CNTN1: variants seen among roughly 807,000 people sequenced by gnomAD.
CNTN1 encodes the protein contactin-1.
In CNTN1, 38 loss-of-function variants were observed where a neutral mutation model predicts 126.4. The observed-to-expected ratio is 0.30, with a 90% CI of 0.23 to 0.39. CNTN1 has a LOEUF of 0.39. Among genes scored for constraint, CNTN1 ranks in the 10% least tolerant of loss-of-function variants. The pLI, the probability that CNTN1 is intolerant of heterozygous loss-of-function variation, is 1.00. For missense variants in CNTN1, 1,009 were observed against 1,248.4 expected (o/e 0.81, Z 2.89); for synonymous variants, 413 against 422.6 (o/e 0.98, Z 0.28).
chr12:40,875,933 T>C (rs1943652838), intron 1 of CNTN1, among the ~76,000 whole-genome samples: 1 of 152,126 alleles, frequency 6.6e-6, no homozygotes, highest in Non-Finnish European at 1.5e-5. Flanking sequence ...GTCTTTTAAG[T>C]AAATTGTGTT....
intron 1 of CNTN1, among the ~76,000 whole-genome samples, chr12:40,821,064 A>G (rs954995356): frequency 6.6e-6 from 1 of 152,210 alleles, no homozygotes; most frequent in African/African-American, 2.4e-5. Context: ...CAGAAGCTCA[A>G]AAGTTCTAAA....
At chr12:40,796,328 T>C (rs1417262957) in intron 1 of CNTN1, among the ~76,000 whole-genome samples, 1 of 152,036 alleles carries the variant, frequency 6.6e-6, no homozygotes, top group East Asian at 1.9e-4. Context: ...TTAATAGATT[T>C]GCTTCAGACC....
At chr12:40,759,395 T>C (rs1417872752) in intron 1 of CNTN1, among the ~76,000 whole-genome samples, 2 of 152,130 alleles carry the variant, frequency 1.3e-5, no homozygotes, top group East Asian at 1.9e-4. Context: ...ATTTTGTCTT[T>C]TTCTTTTTCC....
chr12:40,746,169 T>C (rs1938172276), intron 1 of CNTN1, among the ~76,000 whole-genome samples: 1 of 152,172 alleles, frequency 6.6e-6, no homozygotes, highest in South Asian at 2.1e-4. Context: ...TGGCATCAAA[T>C]GCTCCTTTTT....
chr12:40,744,411 G>T (rs191078135), intron 1 of CNTN1, among the ~76,000 whole-genome samples: 2 of 152,060 alleles, frequency 1.3e-5, no homozygotes, highest in Non-Finnish European at 2.9e-5. Context: ...GGAATAGCCT[G>T]CATTTGGGAA....
Position 41,053,428 on chromosome 12 carries a change from AATATATATATATAT to A in CNTN1, c.2981-16504_2981-16491del, listed in dbSNP as rs66808071. ...TTTTGTCTCTTTCATGTTTTCACTA[AATATATATATATAT>A]ATATATATATATATATATATATATA... On this transcript the variant is annotated intron_variant, in intron 23 of 23. Transcript: ENST00000551295. Among the ~76,000 whole-genome samples, 359 of 64,110 alleles carry A rather than the reference AATATATATATATAT, an allele frequency of 5.6e-3. 15 individuals are homozygous for A. Among genetic ancestry groups the A allele is most frequent in the Admixed American group, 0.045 (239 of 5,318 alleles). 42.1% of individuals were successfully genotyped at this position (64,110 alleles called of 152,430 possible). A position where few individuals can be genotyped will look rare whatever the true frequency, so the allele number is the denominator to read the frequency against.
At chr12:41,003,350 A>T (rs912411980) in intron 17 of CNTN1, among the ~76,000 whole-genome samples, 1 of 150,756 alleles carries the variant, frequency 6.6e-6, no homozygotes, top group Non-Finnish European at 1.5e-5. Flanking sequence ...TTTGCCAGTT[A>T]TTTTTTTTTG....
At chr12:40,952,715 T>A (rs547323146) in intron 14 of CNTN1, among the ~76,000 whole-genome samples, 2 of 152,248 alleles carry the variant, frequency 1.3e-5, no homozygotes, top group South Asian at 2.1e-4. Flanking sequence ...TAATTAAATA[T>A]CTGCTGTTAG....
intron 11 of CNTN1, among the ~76,000 whole-genome samples, chr12:40,938,257 T>C (rs888534401): frequency 6.6e-6 from 1 of 152,206 alleles, no homozygotes; most frequent in African/African-American, 2.4e-5. Context: ...TTTAAGCCTC[T>C]GTATTCTGTT....
chr12:40,928,194 C>T (rs1945760502), intron 6 of CNTN1, among the ~76,000 whole-genome samples: 1 of 151,874 alleles, frequency 6.6e-6, no homozygotes, highest in Admixed American at 6.6e-5. Context: ...TAATTTTTAA[C>T]AGAAATCCTT....
intron 1 of CNTN1, among the ~76,000 whole-genome samples, chr12:40,707,087 CA>C (rs1941776394): frequency 7.9e-6 from 1 of 125,820 alleles, no homozygotes; most frequent in African/African-American, 3.0e-5. Context: ...CACACACACA[CA>C]CCCCTGCTCA....
intron 15 of CNTN1, among the ~76,000 whole-genome samples, chr12:40,967,452 C>T (rs1004723140): frequency 6.6e-6 from 1 of 152,056 alleles, no homozygotes; most frequent in Non-Finnish European, 1.5e-5. Flanking sequence ...TGCACTCTAG[C>T]CTGGGCGACA....
At position 40,981,312 on chromosome 12, in the gene CNTN1, A is replaced by C. The variant is rs1386136745; in HGVS notation, c.1963+245A>C. ...AAATCAATATATAATGGAAAGCAAAATGAGGCCTCCTGGGTTTCTTACTTG... is the reference window on the plus strand; with the variant it reads ...AAATCAATATATAATGGAAAGCAAACTGAGGCCTCCTGGGTTTCTTACTTG... On this transcript the variant is annotated intron_variant, in intron 16 of 23. Coordinates refer to ENST00000551295, the MANE Select transcript of CNTN1 (RefSeq NM_001843.4). 2.0e-5 allele frequency among the ~76,000 whole-genome samples: 3 copies of C among 152,274 alleles called. No homozygotes were observed. The East Asian group carries it at 5.8e-4, about 29-fold the overall frequency.
At chr12:40,865,331 C>G (rs999414111) in intron 1 of CNTN1, among the ~76,000 whole-genome samples, 3 of 151,942 alleles carry the variant, frequency 2.0e-5, no homozygotes, top group African/African-American at 7.2e-5. Context: ...TACTTTGATG[C>G]CCAAAAGTTT....
At chr12:40,800,214 C>G (rs1940593912) in intron 1 of CNTN1, among the ~76,000 whole-genome samples, 1 of 151,920 alleles carries the variant, frequency 6.6e-6, no homozygotes, top group African/African-American at 2.4e-5. Context: ...AAGTGTCTGG[C>G]ATTTCCTCTG....
At chr12:40,693,038 C>T (rs1941342629) in intron 1 of CNTN1, among the ~76,000 whole-genome samples, 1 of 152,222 alleles carries the variant, frequency 6.6e-6, no homozygotes, top group Admixed American at 6.5e-5. Context: ...CCCACCTGGG[C>T]GCCTGGCTAG....
intron 17 of CNTN1, among the ~76,000 whole-genome samples, chr12:41,013,436 G>A (rs1356711782): frequency 3.3e-5 from 5 of 152,044 alleles, no homozygotes; most frequent in Non-Finnish European, 7.4e-5. Context: ...GCCTTACCAA[G>A]GACTCCCATA....
At chr12:41,012,604 C>A (rs1181379646) in intron 17 of CNTN1, among the ~76,000 whole-genome samples, 7 of 152,156 alleles carry the variant, frequency 4.6e-5, no homozygotes, top group Non-Finnish European at 1.0e-4. Context: ...GCTGAGTACT[C>A]CATGAAAGGA....
intron 1 of CNTN1, among the ~76,000 whole-genome samples, chr12:40,880,127 A>C (rs10879307): frequency 0.049 from 7,490 of 152,128 alleles, 410 homozygotes; most frequent in African/African-American, 0.14. Flanking sequence ...TGTAAATATT[A>C]TATAATAAAA....
Sources: gnomAD v4.1 joint callset for allele counts (sites outside exome capture counted in the v4.1 genomes callset) on GRCh38, gnomAD v4.1.1 for gene constraint, MANE v1.5 for transcripts, NCBI Gene and HGNC (gene_info 2026-07-23, HGNC 2026-07-21) for gene names.